Variants in MCTP2 observed in about 807,000 individuals in gnomAD.
MCTP2 encodes the protein multiple C2 and transmembrane domain containing 2, also known as multiple C2 and transmembrane domain-containing protein 2.
MCTP2 carries 132 observed loss-of-function variants against 111.6 expected under a neutral mutation model. That is an observed-to-expected ratio of 1.18 (90% CI 1.03 to 1.37). MCTP2 has a LOEUF of 1.37. MCTP2 is among the 40% of genes most tolerant of loss of function. The probability of loss-of-function intolerance (pLI) is 0.00; values close to 1 mark genes in which losing one functional copy is unlikely to be tolerated. For missense variants in MCTP2, 1,183 were observed against 1,067.9 expected, an observed-to-expected ratio of 1.11 and a Z score of -1.50; for synonymous variants, 395 against 387.7, an observed-to-expected ratio of 1.02 and a Z score of -0.22.
rs201723164 is a variant in MCTP2 at position 94,398,987 on chromosome 15, T to C, written c.1815T>C (p.Tyr605=). The C allele has an allele frequency of 8.1e-5, 126 of 1,559,848 alleles. No homozygotes were observed. The highest frequency in any genetic ancestry group is 1.0e-4 in the Non-Finnish European group (113 of 1,131,270). Residue 605 remains tyrosine (Y), a synonymous_variant, in exon 15 of 23, where the codon TAT becomes TAC. Transcript: ENST00000357742. ...TTAGAGATGGACAACCGAATTGTTATGTACTAAAGAATAAAGATTTAGAAC... is the reference window on the plus strand; with the variant it reads ...TTAGAGATGGACAACCGAATTGTTACGTACTAAAGAATAAAGATTTAGAAC... ...LSIRDGQPNC[Y]VLKNKDLEQA... is the part of the protein sequence containing the mutation.
rs117993744 is a variant in MCTP2, at chr15:94,406,969, A to G, written c.2085+4950A>G. ...AATATCTTGAAATAATAGCTATAAA[A>G]GAGATAGGCCCATATGTCTAGTGGG... On this transcript the variant is annotated intron_variant, in intron 17 of 22. Transcript: ENST00000357742. Among the ~76,000 whole-genome samples, 547 of 152,206 alleles carry G rather than the reference A, an allele frequency of 3.6e-3. 13 individuals are homozygous for G. Among genetic ancestry groups the G allele is most frequent in the Admixed American group, 0.033 (497 of 15,284 alleles).
At chr15:94,333,051 G>A (rs557600823) in intron 4 of MCTP2, among the ~76,000 whole-genome samples, 2 of 152,172 alleles carry the variant, frequency 1.3e-5, no homozygotes, top group Admixed American at 6.5e-5. Flanking sequence ...CCCGGCCAAC[G>A]TGGTGAAACC....
intron 2 of MCTP2, among the ~76,000 whole-genome samples, chr15:94,309,317 A>G (rs1208561273): frequency 6.6e-6 from 1 of 152,226 alleles, no homozygotes; most frequent in Non-Finnish European, 1.5e-5. Flanking sequence ...CTAGATAGAC[A>G]AGATACGGGT....
At chr15:94,299,924 T>C (rs1327491916) in intron 2 of MCTP2, among the ~76,000 whole-genome samples, 3 of 152,242 alleles carry the variant, frequency 2.0e-5, no homozygotes, top group Non-Finnish European at 4.4e-5. Flanking sequence ...TTTAACTATT[T>C]TTTTATTTGG....
chr15:94,321,935 G>A (rs750650375), intron 4 of MCTP2, among the ~76,000 whole-genome samples: 4 of 152,168 alleles, frequency 2.6e-5, no homozygotes, highest in Non-Finnish European at 5.9e-5. Flanking sequence ...TTTATTATTC[G>A]TTAGGTGAAA....
chr15:94,420,640 G>C (rs1443441563), intron 17 of MCTP2, among the ~76,000 whole-genome samples: 2 of 152,268 alleles, frequency 1.3e-5, no homozygotes, highest in East Asian at 3.9e-4. Context: ...ATTAGAAGTA[G>C]AGCCTGAAAA....
intron 12 of MCTP2, among the ~76,000 whole-genome samples, chr15:94,372,288 G>A (rs2152440285): frequency 6.6e-6 from 1 of 152,310 alleles, no homozygotes; most frequent in East Asian, 1.9e-4. Context: ...AGCTAAACAT[G>A]TGTTTAGACC....
intron 19 of MCTP2, among the ~76,000 whole-genome samples, chr15:94,451,655 G>T (rs1165795700): frequency 1.3e-5 from 2 of 152,144 alleles, no homozygotes; most frequent in African/African-American, 4.8e-5. Flanking sequence ...TAGGCAGTTT[G>T]GTAGCAACAG....
chr15:94,243,466 TATATGCGTATGTACAC>T (rs2071279269), intron 1 of MCTP2, among the ~76,000 whole-genome samples: 1 of 113,578 alleles, frequency 8.8e-6, no homozygotes, highest in African/African-American at 3.6e-5. Flanking sequence ...TGCGTATGCG[TATATGCGTATGTACAC>T]ACATACGTAT....
At chr15:94,359,792 T>C (rs1165376937) in intron 10 of MCTP2, among the ~76,000 whole-genome samples, 2 of 152,208 alleles carry the variant, frequency 1.3e-5, no homozygotes, top group Non-Finnish European at 2.9e-5. Flanking sequence ...ACCCAATACC[T>C]GTGCAGGGCT....
chr15:94,279,159 G>A (rs1423119975), intron 1 of MCTP2, among the ~76,000 whole-genome samples: 1 of 152,064 alleles, frequency 6.6e-6, no homozygotes, highest in Non-Finnish European at 1.5e-5. Flanking sequence ...TGTGAAAAAT[G>A]AGTGGTAGTT....
intron 17 of MCTP2, among the ~76,000 whole-genome samples, chr15:94,419,271 C>CACA (rs1303907829): frequency 6.6e-5 from 10 of 152,106 alleles, no homozygotes; most frequent in Non-Finnish European, 1.5e-5. Context: ...CACTTTATGA[C>CACA]ACATAGAATT....
chr15:94,395,032 C>G (rs1377980909), intron 14 of MCTP2, among the ~76,000 whole-genome samples: 2 of 152,138 alleles, frequency 1.3e-5, no homozygotes, highest in East Asian at 3.9e-4. Flanking sequence ...AAACAGTGAC[C>G]TAGTAGATCT....
chr15:94,247,486 T>C (rs1052711448), intron 1 of MCTP2, among the ~76,000 whole-genome samples: 5 of 152,144 alleles, frequency 3.3e-5, no homozygotes, highest in Non-Finnish European at 7.4e-5. Flanking sequence ...TATGTGGGCC[T>C]TACTCTGTTG....
chr15:94,476,644 A>G lies in MCTP2; in HGVS notation c.2471-52A>G, dbSNP rs538031501. ...GATAGATAGATAGATAGATAGATAG[A>G]TAGATAGACAGACAGACAGATAAAG... On this transcript the variant is annotated intron_variant, in intron 21 of 22. Transcript: ENST00000357742. 177 of 909,990 alleles carry G rather than the reference A, an allele frequency of 1.9e-4. 2 individuals carry two copies. The South Asian group carries it at 2.4e-3, about 12-fold the overall frequency. 56.4% of individuals were successfully genotyped at this position (909,990 alleles called of 1,614,324 possible). A position where few individuals can be genotyped will look rare whatever the true frequency, so the allele number is the denominator to read the frequency against.
At chr15:94,440,508 G>T (rs2083721026) in intron 18 of MCTP2, among the ~76,000 whole-genome samples, 1 of 152,180 alleles carries the variant, frequency 6.6e-6, no homozygotes, top group Admixed American at 6.5e-5. Flanking sequence ...GTCTTGGCCT[G>T]CATGAAGGGA....
chr15:94,287,643 T>C (rs902942481), intron 1 of MCTP2, among the ~76,000 whole-genome samples: 3 of 152,168 alleles, frequency 2.0e-5, no homozygotes, highest in African/African-American at 7.2e-5. Flanking sequence ...ATATGAAATA[T>C]ATGGTAAAGC....
chr15:94,462,411 G>A (rs982383721), intron 20 of MCTP2, among the ~76,000 whole-genome samples: 9 of 152,208 alleles, frequency 5.9e-5, no homozygotes, highest in African/African-American at 2.2e-4. Flanking sequence ...GAAAACTGGA[G>A]AAATCTATGA....
chr15:94,394,143 G>C (rs544915855), intron 14 of MCTP2, among the ~76,000 whole-genome samples: 1 of 151,496 alleles, frequency 6.6e-6, no homozygotes. Flanking sequence ...TGATGGTCGA[G>C]AATGTAAATG....
Sources: gnomAD v4.1 joint callset for allele counts (sites outside exome capture counted in the v4.1 genomes callset) on GRCh38, gnomAD v4.1.1 for gene constraint, MANE v1.5 for transcripts, NCBI Gene and HGNC (gene_info 2026-07-23, HGNC 2026-07-21) for gene names.